ERVV-2: variants seen among roughly 807,000 people sequenced by gnomAD.
ERVV-2 encodes the protein endogenous retrovirus group V member 2 Env polyprotein.
For missense variants in ERVV-2, 291 were observed against 495.1 expected (o/e 0.59, Z 3.91); for synonymous variants, 105 against 184.6 (o/e 0.57, Z 3.49).
rs141868175 is a variant in ERVV-2, at chr19:53,045,463, C to T, written c.-386+505C>T. On this transcript the variant is annotated intron_variant, in intron 1 of 1. Transcript: ENST00000601417. ...GACTACAGGCGTGTGCCACCATGCC[C>T]GGCTAATTTTTGTATTTTTAGTAGA... 4.4e-3 allele frequency among the ~76,000 whole-genome samples: 675 copies of T among 152,146 alleles called. 5 individuals carry two copies. Among genetic ancestry groups the T allele is most frequent in the African/African-American group, 0.015 (618 of 41,508 alleles).
At position 53,049,037 on chromosome 19, in the gene ERVV-2, C is replaced by A. The variant is rs2083901568; in HGVS notation, c.-215C>A. On this transcript the variant is annotated 5_prime_UTR_variant, in exon 2 of 2. In the 5' UTR this introduces an upstream ATG that the reference lacks. Coordinates refer to ENST00000601417, the MANE Select transcript of ERVV-2 (RefSeq NM_001191055.2). ...TGAAAAGATAAGTAAAGCCTTCTCT[C>A]TGTTCACCCAAAACTAAAGTCAATC... is the stretch of plus-strand genomic sequence containing the variant. 1 of 677,854 alleles carries A rather than the reference C, an allele frequency of 1.5e-6. No individual in the cohort carries two copies. The allele number at this position is 677,854 out of a possible 1,614,324, so 42.0% of individuals were successfully genotyped here. A position where few individuals can be genotyped will look rare whatever the true frequency, so the allele number is the denominator to read the frequency against.
chr19:53,046,135 GC>G (rs1415534175), intron 1 of ERVV-2, among the ~76,000 whole-genome samples: 1 of 152,012 alleles, frequency 6.6e-6, no homozygotes, highest in African/African-American at 2.4e-5. Flanking sequence ...GGTGGCACAC[GC>G]TTGTAATCCC....
At position 53,050,731 on chromosome 19, in the gene ERVV-2, A is replaced by G; in HGVS notation, c.1480A>G (p.Met494Val). The G allele has an allele frequency of 6.5e-7, 1 of 1,536,042 alleles. No individual in the cohort carries two copies. Among genetic ancestry groups the G allele is most frequent in the Non-Finnish European group, 8.7e-7 (1 of 1,146,880 alleles). ...CTCTTCTAGGATAAAGCAATTTCAC[A>G]TGAAGTCCCCCCAAATGGAAAGATA... is the stretch of plus-strand genomic sequence containing the variant. ...CVSSRIKQFHMKSPQMERYQL... is the reference protein window; with the variant it reads ...CVSSRIKQFHVKSPQMERYQL... The change falls in exon 2 of 2, where the codon ATG becomes GTG. Residue 494 changes from methionine (M) to valine (V), a missense_variant. Transcript: ENST00000601417.
rs1416854472 is a variant in ERVV-2 at position 53,049,070 on chromosome 19, G to C, written c.-182G>C. 2.8e-6 allele frequency: 2 copies of C among 722,912 alleles called. No individual in the cohort carries two copies. The highest frequency in any genetic ancestry group is 2.7e-5 in the East Asian group (1 of 36,954). The allele number at this position is 722,912 out of a possible 1,614,324, so 44.8% of individuals were successfully genotyped here. Reference sequence around the variant, plus strand: ...CCAAAACTAAAGTCAATCTCAGTACGGGGAATCTTGGTTGCGGTGGCATTG... The same window carrying C: ...CCAAAACTAAAGTCAATCTCAGTACCGGGAATCTTGGTTGCGGTGGCATTG... On this transcript the variant is annotated 5_prime_UTR_variant, in exon 2 of 2. Coordinates refer to ENST00000601417, the MANE Select transcript of ERVV-2 (RefSeq NM_001191055.2).
Position 53,050,781 on chromosome 19 carries a change from C to G in ERVV-2, c.1530C>G (p.Pro510=). 1 of 1,536,120 alleles carries G rather than the reference C, an allele frequency of 6.5e-7. No homozygotes were observed. The highest frequency in any genetic ancestry group is 8.7e-7 in the Non-Finnish European group (1 of 1,146,902). The change falls in exon 2 of 2, where the codon CCC becomes CCG. Residue 510 remains proline, a synonymous_variant. Transcript: ENST00000601417. ...ERYQLSVIGG[P]STYKHISPLD... ...ATCAGCTATCTGTCATTGGAGGCCC[C>G]AGCACCTATAAGCACATCTCCCCCT...
In ERVV-2 at chr19:53,051,643, G is replaced by T. The variant is rs975659945; in HGVS notation, c.*784G>T. On this transcript the variant is annotated 3_prime_UTR_variant, in exon 2 of 2. Transcript: ENST00000601417. ...CTAGCAGCTGGCTCATTCTTCTGATGTCCTCTCTTTTTAAATAAAGCTTAC... is the reference window on the plus strand; with the variant it reads ...CTAGCAGCTGGCTCATTCTTCTGATTTCCTCTCTTTTTAAATAAAGCTTAC... Among the ~76,000 whole-genome samples, 1 of 152,146 alleles carries T rather than the reference G, an allele frequency of 6.6e-6. No individual in the cohort carries two copies. Among genetic ancestry groups the T allele is most frequent in the African/African-American group, 2.4e-5 (1 of 41,496 alleles).
rs1184732623 is a variant in ERVV-2, at chr19:53,050,544, T to A, written c.1293T>A (p.His431Gln). The A allele has an allele frequency of 1.3e-6, 1 of 761,802 alleles. No individual in the cohort carries two copies. Among genetic ancestry groups the A allele is most frequent in the Admixed American group, 2.0e-5 (1 of 50,056 alleles). 47.2% of individuals were successfully genotyped at this position (761,802 alleles called of 1,614,324 possible). A position where few individuals can be genotyped will look rare whatever the true frequency, so the allele number is the denominator to read the frequency against. Residue 431 changes from histidine (H) to glutamine (Q), a missense_variant, in exon 2 of 2, where the codon CAT becomes CAA. By Grantham distance (24) the His-to-Gln change is conservative. Coordinates refer to ENST00000601417, the MANE Select transcript of ERVV-2 (RefSeq NM_001191055.2). The stretch of plus-strand genomic sequence containing the variant: ...TCTATGATGAGGCTACGTGGCTCCA[T>A]GACTTTGGAAAAGGAGGTGCTTCAG... The part of the protein sequence containing the change: ...KKIYDEATWL[H>Q]DFGKGGASAR...
chr19:53,048,566 T>C (rs1209487453), intron 1 of ERVV-2, among the ~76,000 whole-genome samples: 1 of 147,714 alleles, frequency 6.8e-6, no homozygotes, highest in East Asian at 2.0e-4. Flanking sequence ...TCCCAGCTAC[T>C]CGGGAGGCTT....
intron 1 of ERVV-2, 109 bp downstream of exon 1, chr19:53,045,067 GT>G: frequency 6.6e-6 from 1 of 152,414 alleles, no homozygotes; most frequent in South Asian, 2.1e-4. Context: ...AAGGGGAGGG[GT>G]TTTTCCTCTC....
At chr19:53,048,386 A>G (rs1458979196) in intron 1 of ERVV-2, among the ~76,000 whole-genome samples, 1 of 150,930 alleles carries the variant, frequency 6.6e-6, no homozygotes, top group Admixed American at 6.6e-5. Context: ...AAAAAAACAA[A>G]CAAAAAAAAG....
rs557739061 is a variant in ERVV-2, at chr19:53,048,874, C to T, written c.-378C>T. ...TACTTTCCACCCCAACAGCTATCAA[C>T]ATTTCTGGCATCTCCAGTTGGATAC... On this transcript the variant is annotated 5_prime_UTR_variant, in exon 2 of 2. Coordinates refer to ENST00000601417, the MANE Select transcript of ERVV-2 (RefSeq NM_001191055.2). 230 of 385,032 alleles carry T rather than the reference C, an allele frequency of 6.0e-4. 1 individual carries two copies. The highest frequency in any genetic ancestry group is 9.3e-4 in the Non-Finnish European group (197 of 211,184). The allele number at this position is 385,032 out of a possible 1,614,324, so 23.9% of individuals were successfully genotyped here.
At chr19:53,048,485 C>T (rs2083899125) in intron 1 of ERVV-2, among the ~76,000 whole-genome samples, 1 of 151,916 alleles carries the variant, frequency 6.6e-6, no homozygotes, top group Non-Finnish European at 1.5e-5. Flanking sequence ...CAAGACCAGC[C>T]TGACCAATGT....
Position 53,048,988 on chromosome 19 carries a change from G to T in ERVV-2, c.-264G>T, listed in dbSNP as rs2083901386. ...ACCTGAGCATTCTTGTGAGCCACTG[G>T]AGAACTTAAAATTCCACTTCAAGTG... On this transcript the variant is annotated 5_prime_UTR_variant, in exon 2 of 2. The change creates a premature stop within an existing upstream ORF in the 5' untranslated region. Coordinates refer to ENST00000601417, the MANE Select transcript of ERVV-2 (RefSeq NM_001191055.2). 1 of 601,508 alleles carries T rather than the reference G, an allele frequency of 1.7e-6. No individual in the cohort carries two copies. The highest frequency in any genetic ancestry group is 2.9e-5 in the East Asian group (1 of 34,866). 37.3% of individuals were successfully genotyped at this position (601,508 alleles called of 1,614,324 possible).
intron 1 of ERVV-2, among the ~76,000 whole-genome samples, chr19:53,045,484 G>C (rs1041976756): frequency 1.5e-4 from 23 of 152,100 alleles, no homozygotes; most frequent in African/African-American, 5.3e-4. Context: ...TGTATTTTTA[G>C]TAGAGACAGA....
intron 1 of ERVV-2, among the ~76,000 whole-genome samples, chr19:53,047,723 G>A (rs2083896405): frequency 6.6e-6 from 1 of 152,148 alleles, no homozygotes; most frequent in Non-Finnish European, 1.5e-5. Context: ...TAGGTAAAGG[G>A]ACACTTCCTC....
In ERVV-2 at chr19:53,050,934, A is replaced by T; in HGVS notation, c.*75A>T. 1 of 1,354,446 alleles carries T rather than the reference A, an allele frequency of 7.4e-7. No individual in the cohort carries two copies. Among genetic ancestry groups the T allele is most frequent in the Non-Finnish European group, 9.8e-7 (1 of 1,023,250 alleles). The allele number at this position is 1,354,446 out of a possible 1,614,324, so 83.9% of individuals were successfully genotyped here. On this transcript the variant is annotated 3_prime_UTR_variant, in exon 2 of 2. Coordinates refer to ENST00000601417, the MANE Select transcript of ERVV-2 (RefSeq NM_001191055.2). Reference sequence around the variant, plus strand: ...AGGAAGTAGTTACAGAAGACCCACGACGTCCTTACAACCAGAGCTTTTCAG... The same window carrying T: ...AGGAAGTAGTTACAGAAGACCCACGTCGTCCTTACAACCAGAGCTTTTCAG...
intron 1 of ERVV-2, among the ~76,000 whole-genome samples, chr19:53,045,574 T>C (rs2083887830): frequency 6.6e-6 from 1 of 152,080 alleles, no homozygotes; most frequent in Non-Finnish European, 1.5e-5. Flanking sequence ...CTGCTGGGAT[T>C]ACGGGCGTGA....
At position 53,051,093 on chromosome 19, in the gene ERVV-2, C is replaced by T; in HGVS notation, c.*234C>T. On this transcript the variant is annotated 3_prime_UTR_variant, in exon 2 of 2. Coordinates refer to ENST00000601417, the MANE Select transcript of ERVV-2 (RefSeq NM_001191055.2). The stretch of plus-strand genomic sequence containing the variant: ...CTTCCTTGGTGATGCTGCCCACAGA[C>T]AGTCAGCACTTCTCTAATAACCCAT... The T allele has an allele frequency of 2.3e-6, 1 of 428,780 alleles. No individual in the cohort carries two copies. The highest frequency in any genetic ancestry group is 4.1e-6 in the Non-Finnish European group (1 of 242,270). The allele number at this position is 428,780 out of a possible 1,614,324, so 26.6% of individuals were successfully genotyped here. A position where few individuals can be genotyped will look rare whatever the true frequency, so the allele number is the denominator to read the frequency against.
In ERVV-2 at chr19:53,050,883, T is replaced by C; in HGVS notation, c.*24T>C. 1 of 1,487,768 alleles carries C rather than the reference T, an allele frequency of 6.7e-7. No individual in the cohort carries two copies. The highest frequency in any genetic ancestry group is 8.9e-7 in the Non-Finnish European group (1 of 1,126,386). The allele number at this position is 1,487,768 out of a possible 1,614,324, so 92.2% of individuals were successfully genotyped here. On this transcript the variant is annotated 3_prime_UTR_variant, in exon 2 of 2. Coordinates refer to ENST00000601417, the MANE Select transcript of ERVV-2 (RefSeq NM_001191055.2). ...GAGACAGAGCAAGAGAGGGAGACCC[T>C]GATGACTTCTTCGCCCCATGTCAGC...
Sources: allele counts gnomAD v4.1 joint callset (sites outside exome capture counted in the v4.1 genomes callset), GRCh38; gene constraint gnomAD v4.1.1; transcripts MANE v1.5; gene names NCBI Gene and HGNC (gene_info 2026-07-23, HGNC 2026-07-21).